The following AR variants were observed in gnomAD, a reference collection of about 807,000 sequenced individuals.
AR encodes the protein androgen receptor.
Under a neutral mutation model 53.9 loss-of-function variants are expected in AR, and 8 were observed. The ratio of observed to expected loss-of-function variants is 0.15; its 90% CI spans 0.09 to 0.27. The LOEUF (loss-of-function observed/expected upper bound fraction) is 0.27, where lower values mean the gene tolerates loss of function less well. Among genes scored for constraint, AR ranks in the 10% least tolerant of loss-of-function variants. AR has a pLI of 1.00. For synonymous variants in AR, 359 were observed against 316.4 expected (o/e 1.13, Z -1.43); for missense variants, 639 against 742.5 (o/e 0.86, Z 1.62).
At position 67,581,757 on chromosome X, in the gene AR, G is replaced by A. The variant is rs183588882; in HGVS notation, c.1616+34995G>A. ...CACAGCCAGTAAGCCGCTAAGCCTAGATTGGATGGAAGGTATGTGAGAAAA... is the reference window on the plus strand; with the variant it reads ...CACAGCCAGTAAGCCGCTAAGCCTAAATTGGATGGAAGGTATGTGAGAAAA... On this transcript the variant is annotated intron_variant, in intron 1 of 7. Transcript: ENST00000374690. Among the ~76,000 whole-genome samples the A allele has an allele frequency of 1.9e-4, 21 of 111,815 alleles. No individual in the cohort carries two copies. The East Asian group carries it at 5.6e-3, about 30-fold the overall frequency.
intron 1 of AR, among the ~76,000 whole-genome samples, chrX:67,571,831 T>C (rs745881731): frequency 9.4e-6 from 1 of 106,633 alleles, no homozygotes; most frequent in Non-Finnish European, 2.0e-5. Flanking sequence ...TAATGAAAAT[T>C]AAAAAAAAAA....
intron 1 of AR, among the ~76,000 whole-genome samples, chrX:67,595,466 T>G (rs900473225): frequency 9.0e-6 from 1 of 111,090 alleles, no homozygotes; most frequent in Non-Finnish European, 1.9e-5. Context: ...CTATCTTTAC[T>G]TCAGTATAAC....
chrX:67,709,252 G>T (rs1044362710), intron 3 of AR, among the ~76,000 whole-genome samples: 107 of 112,322 alleles, frequency 9.5e-4, no homozygotes, highest in Non-Finnish European at 1.3e-3. Context: ...AGTCTACAGA[G>T]GCATGCAGGC....
At chrX:67,656,557 C>G (rs1329423506) in intron 2 of AR, among the ~76,000 whole-genome samples, 1 of 111,500 alleles carries the variant, frequency 9.0e-6, no homozygotes, top group African/African-American at 3.3e-5. Flanking sequence ...AAACATTTTC[C>G]ATGTGTTAAG....
chrX:67,581,965 C>G (rs1313511465), intron 1 of AR, among the ~76,000 whole-genome samples: 3 of 111,516 alleles, frequency 2.7e-5, no homozygotes, highest in African/African-American at 9.7e-5. Context: ...GTTTGGACTA[C>G]CTATCTTAAC....
intron 2 of AR, among the ~76,000 whole-genome samples, chrX:67,654,409 G>A (rs867932053): frequency 9.0e-5 from 10 of 111,012 alleles, no homozygotes; most frequent in Middle Eastern, 4.7e-3. Flanking sequence ...GGACCAGAAA[G>A]GCCATCAGCA....
intron 1 of AR, among the ~76,000 whole-genome samples, chrX:67,606,868 T>C (rs1433156777): frequency 8.9e-6 from 1 of 111,886 alleles, no homozygotes; most frequent in African/African-American, 3.2e-5. Context: ...TGAACAGTAG[T>C]TGAGCGAAAA....
rs752680203 is a variant in AR at position 67,545,427 on chromosome X, A to T, written c.281A>T (p.Asp94Val). ...CAGCAGCAGCAGCAGCAGGGTGAGGATGGTTCTCCCCAAGCCCATCGTAGA... is the reference window on the plus strand; with the variant it reads ...CAGCAGCAGCAGCAGCAGGGTGAGGTTGGTTCTCCCCAAGCCCATCGTAGA... Reference protein sequence around the residue: ...PRQQQQQQGEDGSPQAHRRGP... With the variant: ...PRQQQQQQGEVGSPQAHRRGP... Residue 94 changes from aspartate to valine, a missense_variant, in exon 1 of 8, where the codon GAT becomes GTT. Asp to Val is a radical substitution (Grantham distance 152). Around this residue, in one of 5 missense-constraint regions of AR, gnomAD observed 55 missense variants for 84.8 expected, o/e 0.65. Coordinates refer to ENST00000374690, the MANE Select transcript of AR (RefSeq NM_000044.6). The T allele has an allele frequency of 1.0e-5, 12 of 1,198,939 alleles. No individual in the cohort carries two copies. The South Asian group carries it at 2.2e-4, about 22-fold the overall frequency.
intron 3 of AR, among the ~76,000 whole-genome samples, chrX:67,698,586 A>G (rs747188324): frequency 8.8e-6 from 1 of 113,026 alleles, no homozygotes; most frequent in Non-Finnish European, 1.9e-5. Flanking sequence ...ATGCATTCAC[A>G]AAAGTATAGC....
At chrX:67,691,528 G>A (rs931630085) in intron 3 of AR, among the ~76,000 whole-genome samples, 3 of 111,802 alleles carry the variant, frequency 2.7e-5, no homozygotes, top group African/African-American at 6.5e-5. Context: ...CAGGATTCCC[G>A]AAGTTGATTC....
At chrX:67,588,485 G>T (rs766125900) in intron 1 of AR, among the ~76,000 whole-genome samples, 2 of 111,929 alleles carry the variant, frequency 1.8e-5, no homozygotes, top group East Asian at 5.6e-4. Context: ...CCCAGCCTGG[G>T]ATCATCAAGC....
intron 1 of AR, among the ~76,000 whole-genome samples, chrX:67,574,463 G>C (rs1271617595): frequency 9.0e-6 from 1 of 110,632 alleles, no homozygotes; most frequent in East Asian, 2.9e-4. Context: ...TGCAGTCTCT[G>C]TGCTCCCCGT....
At chrX:67,689,391 T>C (rs1007972689) in intron 3 of AR, among the ~76,000 whole-genome samples, 23 of 111,582 alleles carry the variant, frequency 2.1e-4, no homozygotes, top group African/African-American at 7.5e-4. Flanking sequence ...CTTCAGCTGA[T>C]GGCTGCTTGG....
intron 1 of AR, among the ~76,000 whole-genome samples, chrX:67,626,617 T>A (rs1269673221): frequency 2.0e-5 from 2 of 99,633 alleles, no homozygotes; most frequent in Non-Finnish European, 4.0e-5. Flanking sequence ...ATTTTATATA[T>A]ATATATATAT....
At chrX:67,631,286 A>G (rs372280181) in intron 1 of AR, among the ~76,000 whole-genome samples, 1 of 111,614 alleles carries the variant, frequency 9.0e-6, no homozygotes, top group South Asian at 3.8e-4. Context: ...CCAATCAGAC[A>G]TAGATTTGGT....
intron 3 of AR, among the ~76,000 whole-genome samples, chrX:67,687,152 C>T (rs1459063455): frequency 8.9e-6 from 1 of 111,753 alleles, no homozygotes; most frequent in Non-Finnish European, 1.9e-5. Flanking sequence ...CCAACCCTCT[C>T]CCCTCTCCTC....
intron 1 of AR, among the ~76,000 whole-genome samples, chrX:67,567,481 T>C (rs780495001): frequency 4.8e-4 from 53 of 111,088 alleles, no homozygotes; most frequent in Non-Finnish European, 8.7e-4. Flanking sequence ...TTCCCTAGTC[T>C]CCGTGCAGAG....
intron 1 of AR, among the ~76,000 whole-genome samples, chrX:67,550,053 T>C (rs1015912861): frequency 8.9e-6 from 1 of 111,772 alleles, no homozygotes; most frequent in African/African-American, 3.3e-5. Flanking sequence ...GGTCAGCAAA[T>C]AGGTGGTGAG....
chrX:67,559,221 A>G (rs1471032424), intron 1 of AR, among the ~76,000 whole-genome samples: 2 of 111,472 alleles, frequency 1.8e-5, no homozygotes, highest in Non-Finnish European at 3.8e-5. Flanking sequence ...GGACTGCCAG[A>G]CCTCTTTCCA....
Sources: gnomAD v4.1 joint callset for allele counts (sites outside exome capture counted in the v4.1 genomes callset) on GRCh38, gnomAD v4.1.1 for gene constraint, gnomAD v4.1.1 regional missense constraint, MANE v1.5 for transcripts, NCBI Gene and HGNC (gene_info 2026-07-23, HGNC 2026-07-21) for gene names.